ARHGAP23: variants seen among roughly 807,000 people sequenced by gnomAD.
ARHGAP23 encodes rho GTPase-activating protein 23.
A neutral mutation model predicts 136.3 loss-of-function variants in ARHGAP23; 34 were observed. The observed-to-expected ratio is 0.25, with a 90% CI of 0.19 to 0.33. ARHGAP23 has a LOEUF of 0.33. Among genes scored for constraint, ARHGAP23 ranks in the 10% least tolerant of loss-of-function variants. ARHGAP23 has a pLI of 1.00. For synonymous variants in ARHGAP23, 832 were observed against 920.5 expected (o/e 0.90, Z 1.74); for missense variants, 1,808 against 2,139.0 (o/e 0.85, Z 3.05).
Position 38,477,783 on chromosome 17 carries a change from G to A in ARHGAP23, c.2323G>A (p.Val775Met), listed in dbSNP as rs1300515552. 3.9e-6 allele frequency: 6 copies of A among 1,549,790 alleles called. No individual in the cohort carries two copies. The highest frequency in any genetic ancestry group is 4.4e-6 in the Non-Finnish European group (5 of 1,146,416). The change falls in exon 12 of 24, where the codon GTG (valine) becomes ATG (methionine). Residue 775 changes from valine to methionine, a missense_variant. Coordinates refer to ENST00000622683, the MANE Select transcript of ARHGAP23 (RefSeq NM_001199417.2). The surrounding 1 kb of genome is among the most constrained non-coding windows in gnomAD (Gnocchi z 6.6). ...CTACAGCGAGACCAAGAGGAGGCAC[G>A]TGTTCCGGCTGACCACCGCTGACTT... ...ISYSETKRRH[V>M]FRLTTADFCE... is the part of the protein sequence containing the mutation.
chr17:38,498,184 C>T (rs756060770), intron 21 of ARHGAP23, among the ~76,000 whole-genome samples: 9 of 152,186 alleles, frequency 5.9e-5, no homozygotes, highest in South Asian at 2.1e-4. Context: ...CTGAAGGGGC[C>T]GCTCTGGCCT....
At chr17:38,502,303 C>T (rs1462291596) in intron 23 of ARHGAP23, among the ~76,000 whole-genome samples, 2 of 151,944 alleles carry the variant, frequency 1.3e-5, no homozygotes, top group Admixed American at 1.3e-4. Context: ...GAGACTCCGT[C>T]TCAAAAAAAA....
At position 38,479,453 on chromosome 17, in the gene ARHGAP23, C is replaced by G. The variant is rs1389988174; in HGVS notation, c.2454C>G (p.Asn818Lys). 7.1e-6 allele frequency: 11 copies of G among 1,548,432 alleles called. No homozygotes were observed. Among genetic ancestry groups the G allele is most frequent in the Non-Finnish European group, 7.0e-6 (8 of 1,145,750 alleles). ...RAEGEDPGCA[N>K]QALISKKLND... ...TGCTTCAGGACCCCGGCTGTGCCAA[C>G]CAAGCTCTGATCAGCAAGAAGCTTA... is the stretch of plus-strand genomic sequence containing the variant. Residue 818 changes from asparagine (N) to lysine (K), a missense_variant, in exon 13 of 24, where the codon AAC becomes AAG. Coordinates refer to ENST00000622683, the MANE Select transcript of ARHGAP23 (RefSeq NM_001199417.2).
intron 23 of ARHGAP23, among the ~76,000 whole-genome samples, chr17:38,509,219 G>A (rs1051593852): frequency 6.6e-6 from 1 of 152,138 alleles, no homozygotes; most frequent in Non-Finnish European, 1.5e-5. Context: ...TGGTTCAGGT[G>A]AGAACAGCGG....
At chr17:38,493,600 C>G (rs927038657) in intron 20 of ARHGAP23, among the ~76,000 whole-genome samples, 1 of 152,142 alleles carries the variant, frequency 6.6e-6, no homozygotes, top group Non-Finnish European at 1.5e-5. Flanking sequence ...GGATGATTGT[C>G]GAGGGAATGA....
Position 38,467,323 on chromosome 17 carries a change from C to G in ARHGAP23, c.1640C>G (p.Pro547Arg). ...ATTEDSLASI[P>R]FIDEPTSPSI... ...ACCGAAGACTCTCTGGCTTCCATCC[C>G]CTTTATTGGTGAGTGATGGTACATG... is the stretch of plus-strand genomic sequence containing the variant. The change falls in exon 7 of 24, where the codon CCC becomes CGC. Residue 547 changes from proline (P) to arginine (R), a missense_variant. By Grantham distance (103) the Pro-to-Arg change is moderately radical (BLOSUM62 -2). Transcript: ENST00000622683. 1 of 1,476,810 alleles carries G rather than the reference C, an allele frequency of 6.8e-7. No homozygotes were observed. The highest frequency in any genetic ancestry group is 9.0e-7 in the Non-Finnish European group (1 of 1,112,854). The allele number at this position is 1,476,810 out of a possible 1,614,324, so 91.5% of individuals were successfully genotyped here.
intron 1 of ARHGAP23, among the ~76,000 whole-genome samples, chr17:38,432,970 T>C (rs1311974307): frequency 6.6e-6 from 1 of 152,210 alleles, no homozygotes; most frequent in Non-Finnish European, 1.5e-5. Context: ...TTTATTCTTT[T>C]GAGGCAGGGT....
At chr17:38,429,143 C>T (rs1387323027) in intron 1 of ARHGAP23, among the ~76,000 whole-genome samples, 2 of 152,234 alleles carry the variant, frequency 1.3e-5, no homozygotes, top group African/African-American at 2.4e-5. Flanking sequence ...CCCAGGACCC[C>T]GGGCTCTGCC....
chr17:38,497,839 G>A lies in ARHGAP23; in HGVS notation c.3318+13G>A, dbSNP rs970769761. 2.8e-5 allele frequency: 44 copies of A among 1,551,090 alleles called. No individual in the cohort carries two copies. The highest frequency in any genetic ancestry group is 3.6e-4 in the Middle Eastern group (2 of 5,626). On this transcript the variant is annotated intron_variant, in intron 21 of 23. Transcript: ENST00000622683. ...CAAGGGAGAGAGAGTAAGTGATGCC[G>A]CGGGCTGGGCTGGCATGGGGGCTGG...
Position 38,477,388 on chromosome 17 carries a change from G to A in ARHGAP23, c.2119-191G>A, listed in dbSNP as rs2039919257. 6.6e-6 allele frequency among the ~76,000 whole-genome samples: 1 copy of A among 152,074 alleles called. No homozygotes were observed. Among genetic ancestry groups the A allele is most frequent in the Admixed American group, 6.5e-5 (1 of 15,286 alleles). On this transcript the variant is annotated intron_variant, in intron 11 of 23. Coordinates refer to ENST00000622683, the MANE Select transcript of ARHGAP23 (RefSeq NM_001199417.2). The surrounding 1 kb of genome is among the most constrained non-coding windows in gnomAD (Gnocchi z 6.6). ...ATGATGGGTAGGGGTGTCTAGGCAG[G>A]CAAGGGGCTGAGAAGGCATTGGTGG...
At chr17:38,472,075 C>T (rs1480442058) in intron 11 of ARHGAP23, 69 bp downstream of exon 11, 178 of 1,353,866 alleles carry the variant, frequency 1.3e-4, no homozygotes, top group Non-Finnish European at 5.8e-5. Flanking sequence ...CTAGGCCTAC[C>T]CTGACAGCCT....
chr17:38,492,161 C>A (rs1179747017), intron 20 of ARHGAP23, among the ~76,000 whole-genome samples: 2 of 152,152 alleles, frequency 1.3e-5, no homozygotes, highest in Admixed American at 6.5e-5. Context: ...TGTGCATGGG[C>A]GGAGGAGAAC....
intron 20 of ARHGAP23, among the ~76,000 whole-genome samples, chr17:38,494,391 C>A (rs1233149263): frequency 6.6e-6 from 1 of 152,176 alleles, no homozygotes; most frequent in African/African-American, 2.4e-5. Flanking sequence ...AGACAGATCC[C>A]CGTGCTGGGA....
chr17:38,428,714 G>C (rs1409791107), intron 1 of ARHGAP23, among the ~76,000 whole-genome samples, 166 bp downstream of exon 1: 1 of 152,182 alleles, frequency 6.6e-6, no homozygotes, highest in East Asian at 1.9e-4. Flanking sequence ...GGCAGGCCCG[G>C]GAGGGGGCCC....
At chr17:38,461,337 C>T (rs1444058181) in intron 3 of ARHGAP23, among the ~76,000 whole-genome samples, 10 of 152,178 alleles carry the variant, frequency 6.6e-5, no homozygotes, top group Non-Finnish European at 1.2e-4. Context: ...TCCTTGGAGG[C>T]GGAGACAGTG....
chr17:38,463,083 C>A, intron 4 of ARHGAP23, 35 bp from the exon 5 acceptor site: 1 of 1,549,056 alleles, frequency 6.5e-7, no homozygotes, highest in South Asian at 1.2e-5. Flanking sequence ...CCTTTGATGC[C>A]CTTTGGTCAC....
At position 38,510,108 on chromosome 17, in the gene ARHGAP23, C is replaced by T; in HGVS notation, c.3612C>T (p.Ala1204=). 1.6e-6 allele frequency: 2 copies of T among 1,250,078 alleles called. No individual in the cohort carries two copies. The highest frequency in any genetic ancestry group is 2.0e-6 in the Non-Finnish European group (2 of 1,001,454). 77.4% of individuals were successfully genotyped at this position (1,250,078 alleles called of 1,614,324 possible). A position where few individuals can be genotyped will look rare whatever the true frequency, so the allele number is the denominator to read the frequency against. The change falls in exon 24 of 24, where the codon GCC becomes GCT. Residue 1204 remains alanine (A), a synonymous_variant. Coordinates refer to ENST00000622683, the MANE Select transcript of ARHGAP23 (RefSeq NM_001199417.2). The surrounding 1 kb of genome is among the most constrained non-coding windows in gnomAD (Gnocchi z 4.6). ...AGGCGCACAAGCCTGGGGCGGGGGCCACAGCGCCGGGGACTCAGGAGCGGC... is the reference window on the plus strand; with the variant it reads ...AGGCGCACAAGCCTGGGGCGGGGGCTACAGCGCCGGGGACTCAGGAGCGGC... ...EQEAHKPGAG[A]TAPGTQERPQ... is the part of the protein sequence containing the mutation.
intron 1 of ARHGAP23, among the ~76,000 whole-genome samples, chr17:38,436,086 C>T (rs1375889440): frequency 1.2e-4 from 18 of 152,198 alleles, no homozygotes; most frequent in Admixed American, 1.1e-3. Flanking sequence ...CACTGTGCCC[C>T]TCCCACACAG....
At chr17:38,430,908 A>G (rs1409812217) in intron 1 of ARHGAP23, among the ~76,000 whole-genome samples, 3 of 152,240 alleles carry the variant, frequency 2.0e-5, no homozygotes, top group Non-Finnish European at 1.5e-5. Flanking sequence ...CACAGACAGC[A>G]AAAACTCCTG....
Sources: allele counts gnomAD v4.1 joint callset (sites outside exome capture counted in the v4.1 genomes callset), GRCh38; gene constraint gnomAD v4.1.1; non-coding constraint Gnocchi (gnomAD v3.1); transcripts MANE v1.5; gene names NCBI Gene and HGNC (gene_info 2026-07-23, HGNC 2026-07-21).